SCLT1: variants seen among roughly 807,000 people sequenced by gnomAD.
SCLT1 encodes sodium channel-associated protein 1.
SCLT1 carries 78 observed loss-of-function variants against 112.8 expected under a neutral mutation model. That is an observed-to-expected ratio of 0.69 (90% confidence interval 0.58 to 0.83). The LOEUF is 0.83. Among genes scored for constraint, SCLT1 ranks in the 40% least tolerant of loss-of-function variants. SCLT1 has a pLI of 0.00. For missense variants in SCLT1, 747 were observed against 770.4 expected, an observed-to-expected ratio of 0.97 and a Z score of 0.36; for synonymous variants, 257 against 254.7, an observed-to-expected ratio of 1.01 and a Z score of -0.09.
chr4:128,929,815 C>T (rs1736612506), intron 18 of SCLT1, among the ~76,000 whole-genome samples: 1 of 152,268 alleles, frequency 6.6e-6, no homozygotes, highest in Non-Finnish European at 1.5e-5. Flanking sequence ...AGTTGACTTG[C>T]ATCTATCCTG....
chr4:128,948,179 CA>C (rs1227821128), intron 15 of SCLT1, among the ~76,000 whole-genome samples: 1 of 150,954 alleles, frequency 6.6e-6, no homozygotes, highest in African/African-American at 2.4e-5. Flanking sequence ...ACTAAAAATA[CA>C]AAAAAAGTAG....
At chr4:128,981,684 C>A (rs555176365) in intron 9 of SCLT1, among the ~76,000 whole-genome samples, 1 of 151,456 alleles carries the variant, frequency 6.6e-6, no homozygotes, top group African/African-American at 2.4e-5. Context: ...AAACTCTGAT[C>A]CCTGAGTTTT....
chr4:128,965,957 G>A (rs1417234830), intron 10 of SCLT1, among the ~76,000 whole-genome samples: 11 of 150,272 alleles, frequency 7.3e-5, no homozygotes, highest in Admixed American at 2.0e-4. Context: ...TCAGCCTCCC[G>A]AGTAGCTGGG....
rs1435296329 is a variant in SCLT1, at chr4:129,049,467, T to C, written c.103-5416A>G. The stretch of plus-strand genomic sequence containing the variant: ...ACACAGGAAGGGGAACATCACACTC[T>C]GGGGACTGTTGTGGGGTGGGGGGAG... On this transcript the variant is annotated intron_variant, in intron 2 of 20. Coordinates refer to ENST00000281142, the MANE Select transcript of SCLT1 (RefSeq NM_144643.4). 1.8e-4 allele frequency among the ~76,000 whole-genome samples: 19 copies of C among 103,636 alleles called. No homozygotes were observed. In the East Asian group the frequency reaches 6.1e-3, roughly 33 times the overall value. The allele number at this position is 103,636 out of a possible 152,430, so 68.0% of individuals were successfully genotyped here.
chr4:128,920,134 T>C (rs907920655), intron 18 of SCLT1, among the ~76,000 whole-genome samples: 3 of 152,168 alleles, frequency 2.0e-5, no homozygotes, highest in Non-Finnish European at 4.4e-5. Context: ...TGATCATAGA[T>C]GCAAAAGTCC....
chr4:128,957,074 CTCTT>C lies in SCLT1; in HGVS notation c.1094_1097del (p.Lys365ArgfsTer12). The C allele has an allele frequency of 6.2e-7, 1 of 1,602,838 alleles. No individual in the cohort carries two copies. The highest frequency in any genetic ancestry group is 8.5e-7 in the Non-Finnish European group (1 of 1,173,414). ...CATCTTGTACAAACCGAGAAACTGT[CTCTT>C]TCATTTTCTCTATGTCTTCTTCTTT... On this transcript the variant is annotated frameshift_variant, in exon 13 of 21. Coordinates refer to ENST00000281142, the MANE Select transcript of SCLT1 (RefSeq NM_144643.4). LOFTEE classifies it high-confidence loss of function.
At chr4:128,919,670 G>T (rs1228133938) in intron 18 of SCLT1, among the ~76,000 whole-genome samples, 1 of 150,610 alleles carries the variant, frequency 6.6e-6, no homozygotes, top group Non-Finnish European at 1.5e-5. Flanking sequence ...GACTAATAAA[G>T]AAAAAGAAAA....
At chr4:129,032,168 A>C (rs544902638) in intron 5 of SCLT1, among the ~76,000 whole-genome samples, 2 of 152,078 alleles carry the variant, frequency 1.3e-5, no homozygotes, top group South Asian at 4.2e-4. Flanking sequence ...AGAACAGAAA[A>C]CTCAGAAATA....
At position 129,055,127 on chromosome 4, in the gene SCLT1, T is replaced by A. The variant is rs146711646; in HGVS notation, c.103-11076A>T. Among the ~76,000 whole-genome samples the A allele has an allele frequency of 5.5e-3, 831 of 152,322 alleles. 8 individuals are homozygous for A. Among genetic ancestry groups the A allele is most frequent in the African/African-American group, 0.019 (783 of 41,576 alleles). ...AACAGCAAAGATGGCTGCCTGCTCC[T>A]TCCTCTGGAAGCTTCATCCCAGAGG... On this transcript the variant is annotated intron_variant, in intron 2 of 20. Coordinates refer to ENST00000281142, the MANE Select transcript of SCLT1 (RefSeq NM_144643.4).
intron 5 of SCLT1, among the ~76,000 whole-genome samples, chr4:129,004,123 C>T (rs1267368214): frequency 6.6e-6 from 1 of 151,094 alleles, no homozygotes; most frequent in Non-Finnish European, 1.5e-5. Flanking sequence ...TTCAGTTTGT[C>T]CTAGAGAGGT....
rs372119418 is a variant in SCLT1, at chr4:128,959,591, C to T, written c.1047+9G>A. On this transcript the variant is annotated intron_variant, in intron 12 of 20. Transcript: ENST00000281142. ...TATTATATCTAAACATATTTACTAGCTTTCTTACCTGACTTTTTTGAAGGT... is the reference window on the plus strand; with the variant it reads ...TATTATATCTAAACATATTTACTAGTTTTCTTACCTGACTTTTTTGAAGGT... 3.1e-6 allele frequency: 5 copies of T among 1,606,446 alleles called. No homozygotes were observed. The African/African-American group carries it at 6.7e-5, about 22-fold the overall frequency.
intron 17 of SCLT1, among the ~76,000 whole-genome samples, chr4:128,942,572 A>C (rs967396293): frequency 2.6e-5 from 4 of 152,084 alleles, no homozygotes; most frequent in Admixed American, 6.6e-5. Context: ...CCTGCCATGG[A>C]ATTTTCAGAC....
intron 5 of SCLT1, among the ~76,000 whole-genome samples, chr4:129,027,136 G>C (rs1016578414): frequency 2.6e-5 from 4 of 152,122 alleles, no homozygotes; most frequent in Non-Finnish European, 4.4e-5. Context: ...GGAGGAACTG[G>C]TACCATTCCT....
chr4:129,091,381 A>T (rs72927912), intron 1 of SCLT1, among the ~76,000 whole-genome samples: 30 of 151,832 alleles, frequency 2.0e-4, no homozygotes, highest in South Asian at 4.2e-4. Context: ...ACTCATTTTT[A>T]AAAAAATGTT....
At position 129,093,430 on chromosome 4, in the gene SCLT1, T is replaced by C. The variant is rs1170816669; in HGVS notation, c.-327A>G. 1.3e-5 allele frequency: 4 copies of C among 314,260 alleles called. No individual in the cohort carries two copies. Among genetic ancestry groups the C allele is most frequent in the African/African-American group, 2.1e-5 (1 of 46,856 alleles). The allele number at this position is 314,260 out of a possible 1,614,324, so 19.5% of individuals were successfully genotyped here. A position where few individuals can be genotyped will look rare whatever the true frequency, so the allele number is the denominator to read the frequency against. On this transcript the variant is annotated 5_prime_UTR_variant, in exon 1 of 21. Coordinates refer to ENST00000281142, the MANE Select transcript of SCLT1 (RefSeq NM_144643.4). ...GGTCTCGTCGGGCCACCTAGGAGAG[T>C]GCCGCGGGAGCTTGACGGCAGCCTG...
chr4:128,957,110 C>G lies in SCLT1; in HGVS notation c.1062G>C (p.Glu354Asp), dbSNP rs35732875. 22,712 of 1,586,182 alleles carry G rather than the reference C, an allele frequency of 0.014. 217 individuals carry two copies. The highest frequency in any genetic ancestry group is 0.017 in the Non-Finnish European group (19,610 of 1,159,958). ...NLQKSQALLE[E>D]KQKEEDIEKM... ...TCTCTATGTCTTCTTCTTTTTGCTT[C>G]TCCTCAAGTAGAGCCTTCAGAAAAT... is the stretch of plus-strand genomic sequence containing the variant. Residue 354 changes from glutamate to aspartate, a missense_variant, in exon 13 of 21, where the codon GAG (glutamate) becomes GAC (aspartate). This residue lies in a region of SCLT1 where 723 missense variants were observed against 721.3 expected (regional missense o/e 1.00). Coordinates refer to ENST00000281142, the MANE Select transcript of SCLT1 (RefSeq NM_144643.4).
intron 18 of SCLT1, among the ~76,000 whole-genome samples, chr4:128,899,159 C>T (rs1734050081): frequency 6.6e-6 from 1 of 152,164 alleles, no homozygotes; most frequent in Non-Finnish European, 1.5e-5. Context: ...AGGGAGTGCT[C>T]CCTAACTCAT....
downstream of SCLT1, among the ~76,000 whole-genome samples, chr4:128,883,759 G>A (rs908150177): frequency 3.3e-5 from 5 of 152,098 alleles, no homozygotes; most frequent in South Asian, 2.1e-4. Context: ...AGAAACCAGG[G>A]TGCGCTAAGT....
intron 9 of SCLT1, among the ~76,000 whole-genome samples, chr4:128,974,664 T>C (rs1423829108): frequency 6.6e-6 from 1 of 152,178 alleles, no homozygotes; most frequent in Non-Finnish European, 1.5e-5. Context: ...TGAGTTCTTT[T>C]AAATATTCAA....
Sources: gnomAD v4.1 joint callset for allele counts (sites outside exome capture counted in the v4.1 genomes callset) on GRCh38, gnomAD v4.1.1 for gene constraint, gnomAD v4.1.1 regional missense constraint, MANE v1.5 for transcripts, NCBI Gene and HGNC (gene_info 2026-07-23, HGNC 2026-07-21) for gene names.